NUAK1: variants seen among roughly 807,000 people sequenced by gnomAD.
The protein encoded by NUAK1 is NUAK family kinase 1.
In NUAK1, 26 loss-of-function variants were observed where a neutral mutation model predicts 56.9. The observed-to-expected ratio is 0.46, with a 90% confidence interval of 0.33 to 0.63. The LOEUF is 0.63. NUAK1 is among the 30% of genes least tolerant of loss of function. NUAK1 has a pLI of 0.02. For synonymous variants in NUAK1, 337 were observed against 336.0 expected, an observed-to-expected ratio of 1.00 and a Z score of -0.03; for missense variants, 727 against 876.1, an observed-to-expected ratio of 0.83 and a Z score of 2.15.
chr12:106,137,647 G>A (rs552846602), intron 1 of NUAK1, among the ~76,000 whole-genome samples: 1 of 152,356 alleles, frequency 6.6e-6, no homozygotes, highest in Admixed American at 6.5e-5. Context: ...CTGGCAGGGT[G>A]TCAGCTGTCA....
chr12:106,101,440 T>C (rs1279294718), intron 2 of NUAK1, among the ~76,000 whole-genome samples: 1 of 152,098 alleles, frequency 6.6e-6, no homozygotes, highest in Non-Finnish European at 1.5e-5. Context: ...GGAGATAAGT[T>C]AAAATGAGGT....
At chr12:106,118,548 T>C (rs1046770154) in intron 1 of NUAK1, among the ~76,000 whole-genome samples, 3 of 152,208 alleles carry the variant, frequency 2.0e-5, no homozygotes, top group African/African-American at 4.8e-5. Context: ...AATTTGAATG[T>C]GCGGCTAAGC....
chr12:106,065,004 C>T lies in NUAK1; in HGVS notation c.*1798G>A, dbSNP rs1246721308. On this transcript the variant is annotated 3_prime_UTR_variant, in exon 7 of 7. Transcript: ENST00000261402. Reference sequence around the variant, plus strand: ...CCAAACTGTCTCCTTAAGGAAAGGGCAATTCCATTCTAATGCACTTTCTTA... The same window carrying T: ...CCAAACTGTCTCCTTAAGGAAAGGGTAATTCCATTCTAATGCACTTTCTTA... 6.6e-6 allele frequency: 1 copy of T among 152,196 alleles called. No homozygotes were observed. The highest frequency in any genetic ancestry group is 2.4e-5 in the African/African-American group (1 of 41,438). 9.4% of individuals were successfully genotyped at this position (152,196 alleles called of 1,614,324 possible).
At chr12:106,120,134 C>T (rs567959222) in intron 1 of NUAK1, among the ~76,000 whole-genome samples, 5 of 152,272 alleles carry the variant, frequency 3.3e-5, no homozygotes, top group South Asian at 4.1e-4. Flanking sequence ...TTTCCCACAC[C>T]GGTCCACACA....
chr12:106,115,073 T>G (rs1449697256), intron 1 of NUAK1, among the ~76,000 whole-genome samples: 1 of 152,202 alleles, frequency 6.6e-6, no homozygotes, highest in African/African-American at 2.4e-5. Flanking sequence ...CTATTATTTC[T>G]TAATTCATTG....
chr12:106,111,856 C>T (rs1565925703), intron 1 of NUAK1, among the ~76,000 whole-genome samples: 1 of 139,202 alleles, frequency 7.2e-6, no homozygotes, highest in Non-Finnish European at 1.5e-5. Flanking sequence ...CAGATGAGAA[C>T]ATTGAGGCCA....
chr12:106,086,749 C>G lies in NUAK1; in HGVS notation c.498G>C (p.Val166=). Residue 166 remains valine, a synonymous_variant, in exon 3 of 7, where the codon GTG becomes GTC. Coordinates refer to ENST00000261402, the MANE Select transcript of NUAK1 (RefSeq NM_014840.3). ...GCAGCCATACCTTGTGACAATAGTGCACAGCAGAGACGATCTGCCGGAAGA... is the reference window on the plus strand; with the variant it reads ...GCAGCCATACCTTGTGACAATAGTGGACAGCAGAGACGATCTGCCGGAAGA... ...RHFFRQIVSA[V]HYCHKNGVVH... is the part of the protein sequence containing the mutation. 1 of 1,613,720 alleles carries G rather than the reference C, an allele frequency of 6.2e-7. No homozygotes were observed. Among genetic ancestry groups the G allele is most frequent in the Non-Finnish European group, 8.5e-7 (1 of 1,179,684 alleles).
At position 106,070,827 on chromosome 12, in the gene NUAK1, T is replaced by A; in HGVS notation, c.779A>T (p.Asn260Ile). The A allele has an allele frequency of 1.2e-6, 2 of 1,613,750 alleles. No homozygotes were observed. Among genetic ancestry groups the A allele is most frequent in the Non-Finnish European group, 1.7e-6 (2 of 1,179,922 alleles). The change falls in exon 6 of 7, where the codon AAC (asparagine) becomes ATC (isoleucine). Residue 260 changes from asparagine to isoleucine, a missense_variant. Coordinates refer to ENST00000261402, the MANE Select transcript of NUAK1 (RefSeq NM_014840.3). ...TMPFDGFDHKNLIRQISSGEY... is the reference protein window; with the variant it reads ...TMPFDGFDHKILIRQISSGEY... ...TCCGCTGCTGATTTGCCGAATGAGG[T>A]TTTTGTGATCGAAACCATCGAAGGG...
At chr12:106,095,369 G>C (rs1397448774) in intron 2 of NUAK1, among the ~76,000 whole-genome samples, 1 of 152,162 alleles carries the variant, frequency 6.6e-6, no homozygotes, top group Non-Finnish European at 1.5e-5. Context: ...TTCCACCCCT[G>C]GAAACCCTGG....
intron 1 of NUAK1, among the ~76,000 whole-genome samples, chr12:106,107,467 T>C (rs2136472424): frequency 6.6e-6 from 1 of 152,298 alleles, no homozygotes. Context: ...ATCAATTTGC[T>C]GCCGGATCAG....
At chr12:106,125,865 G>A (rs142391204) in intron 1 of NUAK1, among the ~76,000 whole-genome samples, 17 of 152,056 alleles carry the variant, frequency 1.1e-4, no homozygotes, top group African/African-American at 3.9e-4. Context: ...AGGCAAACAC[G>A]TTCACGGCTG....
At chr12:106,073,452 C>T (rs1385735827) in intron 4 of NUAK1, among the ~76,000 whole-genome samples, 5 of 152,194 alleles carry the variant, frequency 3.3e-5, no homozygotes, top group Non-Finnish European at 5.9e-5. Flanking sequence ...AACTCTGCTC[C>T]TATCTGTCAC....
chr12:106,075,479 T>C (rs1057108209), intron 4 of NUAK1, among the ~76,000 whole-genome samples: 1 of 152,140 alleles, frequency 6.6e-6, no homozygotes, highest in African/African-American at 2.4e-5. Context: ...GTCTGTAAAA[T>C]AGCGTTAGGA....
At chr12:106,122,825 C>T (rs2032991575) in intron 1 of NUAK1, among the ~76,000 whole-genome samples, 1 of 152,160 alleles carries the variant, frequency 6.6e-6, no homozygotes, top group Non-Finnish European at 1.5e-5. Context: ...GAGGTCAGTG[C>T]CAAGGATGGT....
intron 1 of NUAK1, among the ~76,000 whole-genome samples, chr12:106,122,988 A>G (rs1322821530): frequency 6.6e-6 from 1 of 152,236 alleles, no homozygotes; most frequent in Non-Finnish European, 1.5e-5. Flanking sequence ...TCCATGCTCG[A>G]CAAATATCAG....
intron 2 of NUAK1, among the ~76,000 whole-genome samples, chr12:106,090,796 T>C (rs2032627377): frequency 6.6e-6 from 1 of 152,186 alleles, no homozygotes; most frequent in African/African-American, 2.4e-5. Flanking sequence ...CTTAGGCAGC[T>C]CTAGCAAAAC....
intron 4 of NUAK1, among the ~76,000 whole-genome samples, chr12:106,083,256 G>A (rs932302661): frequency 6.6e-6 from 1 of 152,176 alleles, no homozygotes; most frequent in Non-Finnish European, 1.5e-5. Context: ...AGGGTGGAGA[G>A]TGACAAAGAA....
intron 2 of NUAK1, among the ~76,000 whole-genome samples, chr12:106,095,300 T>G (rs930655478): frequency 3.3e-5 from 5 of 152,342 alleles, no homozygotes; most frequent in Admixed American, 3.3e-4. Flanking sequence ...TGAAAAAGCA[T>G]GCTCCCCAAT....
intron 2 of NUAK1, among the ~76,000 whole-genome samples, chr12:106,090,774 C>T (rs2032627133): frequency 6.6e-6 from 1 of 152,240 alleles, no homozygotes; most frequent in African/African-American, 2.4e-5. Flanking sequence ...CTCATAATTA[C>T]TTCATCAGCC....
Sources: gnomAD v4.1 joint callset for allele counts (sites outside exome capture counted in the v4.1 genomes callset) on GRCh38, gnomAD v4.1.1 for gene constraint, MANE v1.5 for transcripts, NCBI Gene and HGNC (gene_info 2026-07-23, HGNC 2026-07-21) for gene names.